PDSS2: variants seen among roughly 807,000 people sequenced by gnomAD.
PDSS2 encodes the protein decaprenyl diphosphate synthase subunit 2.
A neutral mutation model predicts 44.5 loss-of-function variants in PDSS2; 31 were observed. That is an observed-to-expected ratio of 0.70 (90% CI 0.52 to 0.94). PDSS2 has a LOEUF of 0.94. Ranked by LOEUF, PDSS2 falls within the 40% of genes least tolerant of loss-of-function variation. The probability of loss-of-function intolerance (pLI) is 0.00; values close to 1 mark genes in which losing one functional copy is unlikely to be tolerated. For missense variants in PDSS2, 452 were observed against 482.2 expected, an observed-to-expected ratio of 0.94 and a Z score of 0.59; for synonymous variants, 157 against 180.3, an observed-to-expected ratio of 0.87 and a Z score of 1.03.
intron 6 of PDSS2, among the ~76,000 whole-genome samples, chr6:107,207,031 C>T (rs1283634992): frequency 6.7e-5 from 10 of 150,162 alleles, no homozygotes; most frequent in East Asian, 1.9e-4. Flanking sequence ...CTTGTTCTAT[C>T]GCCCAGGCTC....
chr6:107,261,497 C>T (rs1263844515), intron 3 of PDSS2, among the ~76,000 whole-genome samples: 2 of 152,194 alleles, frequency 1.3e-5, no homozygotes. Context: ...CACCATGCTT[C>T]CTGTAAAGCC....
intron 1 of PDSS2, among the ~76,000 whole-genome samples, chr6:107,406,346 C>T (rs1780319987): frequency 6.6e-6 from 1 of 152,162 alleles, no homozygotes; most frequent in African/African-American, 2.4e-5. Flanking sequence ...ATCCAGTTAA[C>T]TAGCCTTCCT....
chr6:107,425,245 G>A (rs1368031399), intron 1 of PDSS2, among the ~76,000 whole-genome samples: 2 of 152,192 alleles, frequency 1.3e-5, no homozygotes, highest in African/African-American at 4.8e-5. Flanking sequence ...GTGGAGCATT[G>A]CTGAATGTAT....
At chr6:107,365,851 G>T (rs1325983086) in intron 1 of PDSS2, among the ~76,000 whole-genome samples, 1 of 152,002 alleles carries the variant, frequency 6.6e-6, no homozygotes, top group Non-Finnish European at 1.5e-5. Flanking sequence ...AGATATAAAA[G>T]TTTTAAATGT....
chr6:107,455,366 T>A (rs76178356), intron 1 of PDSS2, among the ~76,000 whole-genome samples: 8,871 of 151,666 alleles, frequency 0.058, 342 homozygotes, highest in Middle Eastern at 0.16. Flanking sequence ...TGCTTTATGA[T>A]GGACTACAAT....
chr6:107,195,135 A>G (rs1488398292), intron 6 of PDSS2, among the ~76,000 whole-genome samples: 2 of 152,060 alleles, frequency 1.3e-5, no homozygotes, highest in South Asian at 2.1e-4. Flanking sequence ...TACATTATAC[A>G]GGTAATTAAC....
At chr6:107,331,392 C>T (rs1777706037) in intron 2 of PDSS2, among the ~76,000 whole-genome samples, 1 of 152,084 alleles carries the variant, frequency 6.6e-6, no homozygotes, top group Admixed American at 6.6e-5. Context: ...ACTGTGGATT[C>T]TATACACTTG....
Position 107,212,282 on chromosome 6 carries a change from C to T in PDSS2, c.703G>A (p.Glu235Lys). The T allele has an allele frequency of 6.2e-7, 1 of 1,608,750 alleles. No homozygotes were observed. The highest frequency in any genetic ancestry group is 2.2e-5 in the East Asian group (1 of 44,812). The change falls in exon 5 of 8, where the codon GAA becomes AAA. Residue 235 changes from glutamate (E) to lysine (K), a missense_variant and splice_region_variant. Transcript: ENST00000369037. Reference sequence around the variant, plus strand: ...CCAATATCATCTGTGATATAACTTTCCTAAAAATGTAACAAAAGCCAAGAT... The same window carrying T: ...CCAATATCATCTGTGATATAACTTTTCTAAAAATGTAACAAAAGCCAAGAT... Reference protein sequence around the residue: ...GVYHENSTSKESYITDDIGIS... With the variant: ...GVYHENSTSKKSYITDDIGIS...
intron 1 of PDSS2, among the ~76,000 whole-genome samples, chr6:107,457,488 A>C (rs1033832657): frequency 6.6e-6 from 1 of 152,198 alleles, no homozygotes; most frequent in African/African-American, 2.4e-5. Flanking sequence ...TGCAGCACCT[A>C]ATTATTTCTT....
At chr6:107,386,203 G>T (rs1413590614) in intron 1 of PDSS2, among the ~76,000 whole-genome samples, 1 of 151,878 alleles carries the variant, frequency 6.6e-6, no homozygotes, top group African/African-American at 2.4e-5. Flanking sequence ...CAAAGAATCT[G>T]GCACTGAAAA....
chr6:107,315,574 A>T (rs952615336), intron 2 of PDSS2, among the ~76,000 whole-genome samples: 2 of 152,162 alleles, frequency 1.3e-5, no homozygotes, highest in African/African-American at 4.8e-5. Context: ...CCCTGTGATA[A>T]GAGTCTGAGA....
chr6:107,458,481 T>C (rs1454049185), intron 1 of PDSS2, among the ~76,000 whole-genome samples: 8 of 146,402 alleles, frequency 5.5e-5, no homozygotes, highest in Non-Finnish European at 1.2e-4. Context: ...ACAGCATAAG[T>C]GATAAACATC....
chr6:107,181,856 C>T (rs892849186), intron 7 of PDSS2, among the ~76,000 whole-genome samples: 2 of 147,254 alleles, frequency 1.4e-5, no homozygotes, highest in African/African-American at 5.1e-5. Flanking sequence ...TGCCACTGCA[C>T]TCCAGCCTGG....
At chr6:107,421,305 C>T (rs1780816260) in intron 1 of PDSS2, among the ~76,000 whole-genome samples, 1 of 152,132 alleles carries the variant, frequency 6.6e-6, no homozygotes. Flanking sequence ...ATTGAACATA[C>T]ACTTACCATA....
At chr6:107,302,318 T>C (rs1776721946) in intron 2 of PDSS2, among the ~76,000 whole-genome samples, 1 of 151,938 alleles carries the variant, frequency 6.6e-6, no homozygotes, top group Non-Finnish European at 1.5e-5. Context: ...TTACCCAGGC[T>C]GGAGTGGTAC....
intron 1 of PDSS2, among the ~76,000 whole-genome samples, chr6:107,434,198 G>A (rs1387731610): frequency 6.6e-6 from 1 of 152,182 alleles, no homozygotes; most frequent in Non-Finnish European, 1.5e-5. Context: ...CAGTACGCAA[G>A]TTCCTCAAAA....
chr6:107,408,423 C>G (rs1279542338), intron 1 of PDSS2, among the ~76,000 whole-genome samples: 1 of 152,122 alleles, frequency 6.6e-6, no homozygotes, highest in African/African-American at 2.4e-5. Flanking sequence ...ACAAGGACTC[C>G]CTTTGTTGTC....
At chr6:107,451,666 T>C (rs1482969449) in intron 1 of PDSS2, among the ~76,000 whole-genome samples, 1 of 152,190 alleles carries the variant, frequency 6.6e-6, no homozygotes, top group Non-Finnish European at 1.5e-5. Context: ...CACCACTACC[T>C]TTCTACTCTC....
chr6:107,325,566 T>A, intron 2 of PDSS2, among the ~76,000 whole-genome samples: 1 of 152,152 alleles, frequency 6.6e-6, no homozygotes, highest in Admixed American at 6.5e-5. Flanking sequence ...AAAAATAATT[T>A]TTTTTATACT....
Sources: gnomAD v4.1 joint callset for allele counts (sites outside exome capture counted in the v4.1 genomes callset) on GRCh38, gnomAD v4.1.1 for gene constraint, MANE v1.5 for transcripts, NCBI Gene and HGNC (gene_info 2026-07-23, HGNC 2026-07-21) for gene names.